The following IARS2 variants were observed in gnomAD, a reference collection of about 807,000 sequenced individuals.
The protein encoded by IARS2 is isoleucine--tRNA ligase, mitochondrial.
In IARS2, 56 loss-of-function variants were observed where a neutral mutation model predicts 126.3. The observed-to-expected ratio is 0.44, with a 90% CI of 0.36 to 0.55. The LOEUF (loss-of-function observed/expected upper bound fraction) is 0.55, where lower values mean the gene tolerates loss of function less well. Among genes scored for constraint, IARS2 ranks in the 20% least tolerant of loss-of-function variants. IARS2 has a pLI of 0.00. For synonymous variants in IARS2, 407 were observed against 441.1 expected, an observed-to-expected ratio of 0.92 and a Z score of 0.97; for missense variants, 1,127 against 1,245.9, an observed-to-expected ratio of 0.90 and a Z score of 1.44.
Position 220,103,622 on chromosome 1 carries a change from A to G in IARS2, c.1066+60A>G, listed in dbSNP as rs200839272. 2.6e-4 allele frequency: 274 copies of G among 1,051,484 alleles called. 1 individual carries two copies. Among genetic ancestry groups the G allele is most frequent in the Non-Finnish European group, 3.7e-4 (251 of 675,532 alleles). The allele number at this position is 1,051,484 out of a possible 1,614,324, so 65.1% of individuals were successfully genotyped here. A position where few individuals can be genotyped will look rare whatever the true frequency, so the allele number is the denominator to read the frequency against. The stretch of plus-strand genomic sequence containing the variant: ...CAAAGTATTGGGCTGACTTGAATTT[A>G]CTACTTTGCTGAACTGCATATTTTG... On this transcript the variant is annotated intron_variant, in intron 8 of 22. Coordinates refer to ENST00000366922, the MANE Select transcript of IARS2 (RefSeq NM_018060.4).
At chr1:220,119,741 G>T (rs1481068865) in intron 12 of IARS2, among the ~76,000 whole-genome samples, 1 of 152,018 alleles carries the variant, frequency 6.6e-6, no homozygotes, top group African/African-American at 2.4e-5. Flanking sequence ...ATATACAAAA[G>T]AAGATGTAAT....
Position 220,147,716 on chromosome 1 carries a change from A to C in IARS2, c.*81A>C, listed in dbSNP as rs1657633965. On this transcript the variant is annotated 3_prime_UTR_variant, in exon 23 of 23. Transcript: ENST00000366922. ...ATGGATTATTTACAATATAGGAAAG[A>C]AAGCCAAGATTTAGGTAATGAGTGG... The C allele has an allele frequency of 6.8e-7, 1 of 1,466,350 alleles. No individual in the cohort carries two copies. The highest frequency in any genetic ancestry group is 9.3e-7 in the Non-Finnish European group (1 of 1,072,144). The allele number at this position is 1,466,350 out of a possible 1,614,324, so 90.8% of individuals were successfully genotyped here.
chr1:220,128,705 G>C (rs1657201739), intron 14 of IARS2, among the ~76,000 whole-genome samples: 1 of 152,190 alleles, frequency 6.6e-6, no homozygotes, highest in South Asian at 2.1e-4. Context: ...GTGAGGTATA[G>C]TGTATTTCAA....
chr1:220,141,724 T>C, intron 19 of IARS2, 79 bp from the exon 20 acceptor site: 1 of 1,429,592 alleles, frequency 7.0e-7, no homozygotes, highest in Admixed American at 1.9e-5. Context: ...AGGAATAAAC[T>C]CAACCTGAGG....
rs188020222 is a variant in IARS2 at position 220,115,290 on chromosome 1, C to T, written c.1640+816C>T. Among the ~76,000 whole-genome samples, 10 of 152,238 alleles carry T rather than the reference C, an allele frequency of 6.6e-5. 1 individual carries two copies. In the East Asian group the frequency reaches 9.7e-4, roughly 15 times the overall value. On this transcript the variant is annotated intron_variant, in intron 12 of 22. Coordinates refer to ENST00000366922, the MANE Select transcript of IARS2 (RefSeq NM_018060.4). ...ATACTATAAAATTCATGGCCAGGTG[C>T]GGTGGCTCACGCCTGTAATCCCAGC...
chr1:220,100,547 G>A lies in IARS2; in HGVS notation c.448G>A (p.Val150Met). 2 of 1,613,266 alleles carry A rather than the reference G, an allele frequency of 1.2e-6. No homozygotes were observed. The highest frequency in any genetic ancestry group is 1.7e-6 in the Non-Finnish European group (2 of 1,179,606). The change falls in exon 3 of 23, where the codon GTG (valine) becomes ATG (methionine). Residue 150 changes from valine (V) to methionine (M), a missense_variant. Physicochemically the swap from Val to Met is conservative, Grantham distance 21. Coordinates refer to ENST00000366922, the MANE Select transcript of IARS2 (RefSeq NM_018060.4). ...GATGAATGGCTCCAAAATACATTTTGTGCCCGGCTGGGATTGTCATGGGTT... is the reference window on the plus strand; with the variant it reads ...GATGAATGGCTCCAAAATACATTTTATGCCCGGCTGGGATTGTCATGGGTT... ...HMMNGSKIHF[V>M]PGWDCHGLPI... is the part of the protein sequence containing the mutation.
Position 220,100,503 on chromosome 1 carries a change from T to C in IARS2, c.404T>C (p.Ile135Thr). 1 of 1,609,038 alleles carries C rather than the reference T, an allele frequency of 6.2e-7. No individual in the cohort carries two copies. The highest frequency in any genetic ancestry group is 8.5e-7 in the Non-Finnish European group (1 of 1,177,664). The change falls in exon 3 of 23, where the codon ATA becomes ACA. Residue 135 changes from isoleucine to threonine, a missense_variant. Ile to Thr is a moderately conservative substitution (Grantham distance 89). Transcript: ENST00000366922. ...TTATCTTTGCAGATTTTGAAAGACA[T>C]AGCCAATCGATTCCATATGATGAAT... The part of the protein sequence containing the change: ...GHALNKILKD[I>T]ANRFHMMNGS...
intron 10 of IARS2, among the ~76,000 whole-genome samples, chr1:220,108,856 CTTTTTT>C (rs35836043): frequency 7.3e-5 from 5 of 68,248 alleles, no homozygotes; most frequent in East Asian, 6.1e-4. Flanking sequence ...TGTGAATCCT[CTTTTTT>C]TTTTTTTTTT....
chr1:220,108,513 G>C (rs567987687), intron 10 of IARS2, among the ~76,000 whole-genome samples: 4 of 151,880 alleles, frequency 2.6e-5, no homozygotes, highest in African/African-American at 9.7e-5. Context: ...AGTCTCTCGA[G>C]TAGCTGGGAC....
Position 220,094,417 on chromosome 1 carries a change from G to A in IARS2, c.201G>A (p.Pro67=), listed in dbSNP as rs1459201364. 1 of 1,611,672 alleles carries A rather than the reference G, an allele frequency of 6.2e-7. No homozygotes were observed. The highest frequency in any genetic ancestry group is 1.3e-5 in the African/African-American group (1 of 74,842). Residue 67 remains proline (P), a synonymous_variant, in exon 1 of 23, where the codon CCG becomes CCA. Coordinates refer to ENST00000366922, the MANE Select transcript of IARS2 (RefSeq NM_018060.4). ...SGRYRDTVLL[P]QTSFPMKLLG... is the part of the protein sequence containing the mutation. ...GATACCGGGACACGGTGCTGCTGCC[G>A]CAGACGAGCTTCCCCATGAAGCTGC...
chr1:220,138,713 A>G (rs1049018971), intron 17 of IARS2, among the ~76,000 whole-genome samples: 3 of 152,136 alleles, frequency 2.0e-5, no homozygotes, highest in African/African-American at 7.2e-5. Context: ...ACCCACACAC[A>G]TGAATAAACT....
Position 220,110,772 on chromosome 1 carries a change from T to G in IARS2, c.1328-14T>G, listed in dbSNP as rs770248468. 5.3e-5 allele frequency: 81 copies of G among 1,541,722 alleles called. No individual in the cohort carries two copies. In the Middle Eastern group the frequency reaches 1.7e-3, roughly 33 times the overall value. On this transcript the variant is annotated splice_polypyrimidine_tract_variant and intron_variant, in intron 10 of 22. Coordinates refer to ENST00000366922, the MANE Select transcript of IARS2 (RefSeq NM_018060.4). Reference sequence around the variant, plus strand: ...TTTTTAATTATGTCTAATTTGGTGTTTTTTTTTTTAAAGTTATAAAGATGC... The same window carrying G: ...TTTTTAATTATGTCTAATTTGGTGTGTTTTTTTTTAAAGTTATAAAGATGC...
intron 11 of IARS2, 101 bp from the exon 12 acceptor site, chr1:220,114,213 C>A: frequency 9.5e-7 from 1 of 1,051,356 alleles, no homozygotes; most frequent in Non-Finnish European, 1.5e-6. Flanking sequence ...ATGTGAATGG[C>A]TACAAACATC....
intron 12 of IARS2, among the ~76,000 whole-genome samples, chr1:220,123,726 C>T (rs71640882): frequency 6.6e-6 from 1 of 152,336 alleles, no homozygotes; most frequent in East Asian, 1.9e-4. Context: ...ATCCGCCCGC[C>T]TCAGCCTCCC....
intron 12 of IARS2, among the ~76,000 whole-genome samples, chr1:220,122,274 C>A (rs866767401): frequency 8.5e-5 from 13 of 152,270 alleles, no homozygotes; most frequent in Middle Eastern, 6.8e-3. Flanking sequence ...TTATTCCTGT[C>A]ATTTTCCAGT....
chr1:220,102,386 A>G lies in IARS2; in HGVS notation c.723A>G (p.Lys241=). The G allele has an allele frequency of 6.2e-7, 1 of 1,613,738 alleles. No homozygotes were observed. The highest frequency in any genetic ancestry group is 8.5e-7 in the Non-Finnish European group (1 of 1,179,940). Residue 241 remains lysine, a synonymous_variant, in exon 5 of 23, where the codon AAA becomes AAG. Transcript: ENST00000366922. ...AGGGCTTGGTTTATCGATCTTACAA[A>G]CCTGTGTTTTGGTCTCCGTCATCTA... is the stretch of plus-strand genomic sequence containing the variant. ...YDKGLVYRSY[K]PVFWSPSSRT...
At chr1:220,107,180 A>G (rs368877738) in intron 10 of IARS2, 29 bp downstream of exon 10, 11 of 1,481,360 alleles carry the variant, frequency 7.4e-6, no homozygotes, top group African/African-American at 2.8e-5. Context: ...GATATCATAC[A>G]TGTTTTCTGA....
At chr1:220,096,469 T>C (rs1656442969) in intron 2 of IARS2, among the ~76,000 whole-genome samples, 1 of 152,196 alleles carries the variant, frequency 6.6e-6, no homozygotes. Flanking sequence ...GGGCGAGGCA[T>C]TGTTCTAGAA....
At position 220,102,566 on chromosome 1, in the gene IARS2, C is replaced by T. The variant is rs774564592; in HGVS notation, c.821C>T (p.Pro274Leu). 1.2e-6 allele frequency: 2 copies of T among 1,613,798 alleles called. No homozygotes were observed. The highest frequency in any genetic ancestry group is 1.7e-6 in the Non-Finnish European group (2 of 1,179,870). The change falls in exon 6 of 23, where the codon CCT (proline) becomes CTT (leucine). Residue 274 changes from proline (P) to leucine (L), a missense_variant. By Grantham distance (98) the Pro-to-Leu change is moderately conservative. Coordinates refer to ENST00000366922, the MANE Select transcript of IARS2 (RefSeq NM_018060.4). ...AGTCGTTCAATATATGTAAAATTTC[C>T]TCTCTTAAAGCCTTCTCCAAAATTG... ...HVSRSIYVKFPLLKPSPKLAS... is the reference protein window; with the variant it reads ...HVSRSIYVKFLLLKPSPKLAS...
Sources: gnomAD v4.1 joint callset for allele counts (sites outside exome capture counted in the v4.1 genomes callset) on GRCh38, gnomAD v4.1.1 for gene constraint, MANE v1.5 for transcripts, NCBI Gene and HGNC (gene_info 2026-07-23, HGNC 2026-07-21) for gene names.